Variants in FAM185A observed in about 807,000 individuals in gnomAD.
FAM185A encodes the protein family with sequence similarity 185 member A.
Under a neutral mutation model 45.7 loss-of-function variants are expected in FAM185A, and 21 were observed. The ratio of observed to expected loss-of-function variants is 0.46; its 90% CI spans 0.33 to 0.66. The LOEUF (loss-of-function observed/expected upper bound fraction) is 0.66. FAM185A is among the 30% of genes least tolerant of loss of function. FAM185A has a pLI of 0.03. For synonymous variants in FAM185A, 117 were observed against 194.0 expected, an observed-to-expected ratio of 0.60 and a Z score of 3.30; for missense variants, 305 against 485.4, an observed-to-expected ratio of 0.63 and a Z score of 3.49.
chr7:102,755,499 A>G, intron 2 of FAM185A: 2 of 652,804 alleles, frequency 3.1e-6, no homozygotes, highest in Non-Finnish European at 5.4e-6. Flanking sequence ...TGGCCCAGGC[A>G]GAGTTGTGGG....
chr7:102,839,507 C>T, the FAM185A span, among the ~76,000 whole-genome samples: 1 of 152,214 alleles, frequency 6.6e-6, no homozygotes, highest in Non-Finnish European at 1.5e-5. Flanking sequence ...GCCCCCTTCA[C>T]AGTGGCATGA....
the FAM185A span, among the ~76,000 whole-genome samples, chr7:102,833,616 G>A: frequency 5.4e-4 from 81 of 148,816 alleles, no homozygotes; most frequent in African/African-American, 1.9e-3. Flanking sequence ...TTTTTTAGTA[G>A]AGATGGGGTT....
chr7:102,822,386 C>A, the FAM185A span: 1 of 704,102 alleles, frequency 1.4e-6, no homozygotes, highest in South Asian at 1.5e-5. Flanking sequence ...GAGGTACCTG[C>A]AATTGGTGTC....
the FAM185A span, among the ~76,000 whole-genome samples, chr7:102,830,229 CA>C: frequency 2.6e-5 from 4 of 152,130 alleles, no homozygotes; most frequent in South Asian, 8.3e-4. Flanking sequence ...AACAAACAAA[CA>C]AAATCCTCTG....
At chr7:102,813,527 C>A (rs1562888938), downstream of FAM185A, 1 of 1,613,668 alleles carries the variant, frequency 6.2e-7, no homozygotes, top group Admixed American at 1.7e-5. Context: ...CTTTGAGCTG[C>A]CTTCCTGTAA....
the FAM185A span, among the ~76,000 whole-genome samples, chr7:102,834,132 AAG>A: frequency 0.034 from 3,047 of 88,990 alleles, 137 homozygotes; most frequent in East Asian, 0.079. Flanking sequence ...GAAAGAAAGA[AAG>A]AAAGAAAAGA....
chr7:102,835,603 GTTTTTTTTTTTT>G, the FAM185A span, among the ~76,000 whole-genome samples: 22,449 of 98,106 alleles, frequency 0.23, 1,903 homozygotes, highest in Middle Eastern at 0.43. Context: ...AGGTGACATT[GTTTTTTTTTTTT>G]TTTTTTTTTT....
chr7:102,773,774 CTGA>C lies in FAM185A; in HGVS notation c.835+1327_835+1329del, dbSNP rs541445239. ...CATTTGTTGAAAAAACTTCCTTTCT[CTGA>C]TGGATTACTTTAGCATCCTTGTCTA... On this transcript the variant is annotated intron_variant, in intron 5 of 7. Coordinates refer to ENST00000413034, the MANE Select transcript of FAM185A (RefSeq NM_001145268.2). Among the ~76,000 whole-genome samples the C allele has an allele frequency of 5.0e-3, 763 of 152,156 alleles. 10 individuals carry two copies. Among genetic ancestry groups the C allele is most frequent in the African/African-American group, 0.017 (725 of 41,554 alleles).
chr7:102,830,400 G>A, the FAM185A span, among the ~76,000 whole-genome samples: 1 of 152,260 alleles, frequency 6.6e-6, no homozygotes, highest in Admixed American at 6.5e-5. Context: ...TGTGTGCTAT[G>A]AACGCAAGAA....
intron 3 of FAM185A, among the ~76,000 whole-genome samples, chr7:102,758,437 T>A (rs1257458721): frequency 2.0e-4 from 24 of 121,698 alleles, no homozygotes; most frequent in South Asian, 2.5e-4. Context: ...CTTTTTTTTT[T>A]TTTTTTTTTT....
chr7:102,831,691 G>T, the FAM185A span, among the ~76,000 whole-genome samples: 1 of 152,124 alleles, frequency 6.6e-6, no homozygotes, highest in African/African-American at 2.4e-5. Context: ...GTGTAAATCA[G>T]ATTTTTTTTT....
the FAM185A span, among the ~76,000 whole-genome samples, chr7:102,819,985 G>T: frequency 6.6e-6 from 1 of 152,084 alleles, no homozygotes. Flanking sequence ...TTGAGGCCAG[G>T]GTATTTCAGG....
At chr7:102,822,189 T>C in the FAM185A span, 602,971 of 1,613,218 alleles carry the variant, frequency 0.37, 120,033 homozygotes, top group African/African-American at 0.7. Context: ...ACATCTCCAT[T>C]GCTGAGTCAG....
chr7:102,779,272 A>G (rs1795264840), intron 6 of FAM185A, among the ~76,000 whole-genome samples: 1 of 152,202 alleles, frequency 6.6e-6, no homozygotes, highest in Non-Finnish European at 1.5e-5. Context: ...TAACGATGGG[A>G]CATTAGGAAG....
the FAM185A span, among the ~76,000 whole-genome samples, chr7:102,839,619 T>C: frequency 6.6e-6 from 1 of 152,128 alleles, no homozygotes; most frequent in Non-Finnish European, 1.5e-5. Flanking sequence ...AGCTAATTTT[T>C]GTATTTTTAA....
In FAM185A at chr7:102,751,781, A is replaced by G; in HGVS notation, c.541A>G (p.Ser181Gly). 2 of 1,549,336 alleles carry G rather than the reference A, an allele frequency of 1.3e-6. No individual in the cohort carries two copies. The highest frequency in any genetic ancestry group is 1.7e-6 in the Non-Finnish European group (2 of 1,146,060). ...NCKIETEHGT[S>G]ILQSVKGQKL... is the part of the protein sequence containing the mutation. ...CAAAATTGAAACAGAGCATGGGACTAGTATCTTGCAGTCTGTTAAGGTATA... is the reference window on the plus strand; with the variant it reads ...CAAAATTGAAACAGAGCATGGGACTGGTATCTTGCAGTCTGTTAAGGTATA... Residue 181 changes from serine (S) to glycine (G), a missense_variant, in exon 2 of 8, where the codon AGT (serine) becomes GGT (glycine). Physicochemically the swap from Ser to Gly is moderately conservative, Grantham distance 56 (BLOSUM62 0). This residue lies in a region of FAM185A where 174 missense variants were observed against 247.1 expected (regional missense o/e 0.70). Coordinates refer to ENST00000413034, the MANE Select transcript of FAM185A (RefSeq NM_001145268.2).
the FAM185A span, chr7:102,822,241 C>A: frequency 2.2e-5 from 35 of 1,600,548 alleles, no homozygotes; most frequent in Non-Finnish European, 2.7e-5. Flanking sequence ...GTTATTCAAA[C>A]ACTATCTCAG....
the FAM185A span, among the ~76,000 whole-genome samples, chr7:102,824,607 TCCTGTGTAGCTGGGATTACAGGTGCCCG>T: frequency 1.3e-5 from 2 of 152,064 alleles, no homozygotes; most frequent in Non-Finnish European, 2.9e-5. Flanking sequence ...CACCTCAGCC[TCCTGTGTAGCTGGGATTACAGGTGCCCG>T]CCACCACGCC....
At position 102,751,882 on chromosome 7, in the gene FAM185A, A is replaced by G. The variant is rs569601812; in HGVS notation, c.561+81A>G. ...TGAATCGTACTATCAAACTCAAGAGATTCTTCTGTTTTTCAGAACATTGTC... is the reference window on the plus strand; with the variant it reads ...TGAATCGTACTATCAAACTCAAGAGGTTCTTCTGTTTTTCAGAACATTGTC... On this transcript the variant is annotated intron_variant, in intron 2 of 7. Coordinates refer to ENST00000413034, the MANE Select transcript of FAM185A (RefSeq NM_001145268.2). 17 of 467,554 alleles carry G rather than the reference A, an allele frequency of 3.6e-5. No homozygotes were observed. In the South Asian group the frequency reaches 7.6e-4, roughly 21 times the overall value. The allele number at this position is 467,554 out of a possible 1,614,324, so 29.0% of individuals were successfully genotyped here. A position where few individuals can be genotyped will look rare whatever the true frequency, so the allele number is the denominator to read the frequency against.
Sources: allele counts gnomAD v4.1 joint callset (sites outside exome capture counted in the v4.1 genomes callset), GRCh38; gene constraint gnomAD v4.1.1; regional missense constraint gnomAD v4.1.1; transcripts MANE v1.5; gene names NCBI Gene and HGNC (gene_info 2026-07-23, HGNC 2026-07-21).